Variants in SLC26A3 observed in about 807,000 individuals in gnomAD.
SLC26A3 encodes the protein solute carrier family 26 member 3.
In SLC26A3, 64 loss-of-function variants were observed where a neutral mutation model predicts 85.6. That is an observed-to-expected ratio of 0.75 (90% CI 0.61 to 0.92). The LOEUF is 0.92. Among genes scored for constraint, SLC26A3 ranks in the 40% least tolerant of loss-of-function variants. The pLI is 0.00. For synonymous variants in SLC26A3, 349 were observed against 336.0 expected (o/e 1.04, Z -0.42); for missense variants, 922 against 927.3 (o/e 0.99, Z 0.07).
intron 16 of SLC26A3, among the ~76,000 whole-genome samples, chr7:107,774,468 C>T (rs1336915895): frequency 2.6e-5 from 4 of 152,190 alleles, no homozygotes; most frequent in African/African-American, 9.6e-5. Flanking sequence ...GTGGGAGGGT[C>T]GCTTGAGTCT....
Position 107,789,113 on chromosome 7 carries a change from C to CT in SLC26A3, c.735+410dup, listed in dbSNP as rs1444704449. ...CTTTACTTTCTTTTTCTTTTCTTTT[C>CT]TTTTTCTTTTTTTTTTTTTTGAGAC... On this transcript the variant is annotated intron_variant, in intron 6 of 20. Transcript: ENST00000340010. 1.7e-3 allele frequency among the ~76,000 whole-genome samples: 209 copies of CT among 124,852 alleles called. 1 individual carries two copies. Among genetic ancestry groups the CT allele is most frequent in the African/African-American group, 6.0e-3 (201 of 33,600 alleles). 81.9% of individuals were successfully genotyped at this position (124,852 alleles called of 152,430 possible). A position where few individuals can be genotyped will look rare whatever the true frequency, so the allele number is the denominator to read the frequency against.
chr7:107,785,465 T>A (rs1211227034), intron 8 of SLC26A3, among the ~76,000 whole-genome samples: 3 of 152,224 alleles, frequency 2.0e-5, no homozygotes, highest in Non-Finnish European at 4.4e-5. Context: ...AGACTGTTGT[T>A]GAGGTATTTA....
chr7:107,778,029 A>G, intron 13 of SLC26A3, 146 bp downstream of exon 13: 1 of 703,702 alleles, frequency 1.4e-6, no homozygotes, highest in Non-Finnish European at 2.6e-6. Flanking sequence ...GAGATGAGCA[A>G]CTGGAGGGAG....
At chr7:107,792,542 G>A (rs1430226390) in intron 3 of SLC26A3, among the ~76,000 whole-genome samples, 1 of 152,076 alleles carries the variant, frequency 6.6e-6, no homozygotes, top group Non-Finnish European at 1.5e-5. Flanking sequence ...TGTTGTCGCT[G>A]ATCTAACAGG....
chr7:107,791,834 G>A lies in SLC26A3; in HGVS notation c.378C>T (p.Ser126=), dbSNP rs142349142. 7.3e-3 allele frequency: 11,659 copies of A among 1,596,986 alleles called. 60 individuals carry two copies. The highest frequency in any genetic ancestry group is 9.0e-3 in the Non-Finnish European group (10,478 of 1,164,632). ...TCAGCTCAGTAACTGACTTACCCAC[G>A]GATATGTGTCTGGAAGTGCCGAAGA... ...YLFFGTSRHI[S]VGPFPILSMM... The change falls in exon 4 of 21, where the codon TCC becomes TCT. Residue 126 remains serine (S), a synonymous_variant. Transcript: ENST00000340010.
At chr7:107,784,096 T>C (rs552242272) in intron 8 of SLC26A3, among the ~76,000 whole-genome samples, 2 of 152,372 alleles carry the variant, frequency 1.3e-5, no homozygotes, top group East Asian at 1.9e-4. Flanking sequence ...ATCAGACTTA[T>C]TGGAAGTGGG....
chr7:107,787,602 G>GA, intron 6 of SLC26A3, 93 bp from the exon 7 acceptor site: 1 of 1,097,562 alleles, frequency 9.1e-7, no homozygotes, highest in Non-Finnish European at 1.4e-6. Flanking sequence ...AAACATGGAA[G>GA]CAAAAAGACT....
intron 18 of SLC26A3, among the ~76,000 whole-genome samples, chr7:107,771,711 T>C (rs767749548): frequency 1.3e-5 from 2 of 152,114 alleles, no homozygotes; most frequent in Non-Finnish European, 2.9e-5. Context: ...CAGGTGAAGC[T>C]CAACCAAATT....
chr7:107,792,926 T>C (rs549417265), intron 3 of SLC26A3, among the ~76,000 whole-genome samples: 1 of 152,114 alleles, frequency 6.6e-6, no homozygotes, highest in Non-Finnish European at 1.5e-5. Flanking sequence ...TAAAAATGGA[T>C]AAAAACTTTG....
At chr7:107,782,165 A>T (rs191960128) in intron 11 of SLC26A3, among the ~76,000 whole-genome samples, 172 of 152,278 alleles carry the variant, frequency 1.1e-3, no homozygotes, top group Non-Finnish European at 2.0e-3. Context: ...ACAAGGAACA[A>T]TGTATTTACT....
intron 15 of SLC26A3, 102 bp from the exon 16 acceptor site, chr7:107,774,974 G>C (rs1794086997): frequency 2.2e-6 from 2 of 901,860 alleles, no homozygotes. Flanking sequence ...GATTGGGACA[G>C]ATAATAAAAA....
intron 8 of SLC26A3, among the ~76,000 whole-genome samples, chr7:107,784,131 C>G (rs992877171): frequency 1.3e-5 from 2 of 152,200 alleles, no homozygotes; most frequent in African/African-American, 4.8e-5. Context: ...TCAACTCTTT[C>G]TGAATTGCTG....
chr7:107,797,088 T>A (rs562534373), intron 1 of SLC26A3, among the ~76,000 whole-genome samples: 182 of 152,172 alleles, frequency 1.2e-3, no homozygotes, highest in Non-Finnish European at 2.3e-3. Context: ...TTCTTATACC[T>A]CCAGCTGGAT....
chr7:107,776,557 G>C lies in SLC26A3; in HGVS notation c.1585-13C>G. On this transcript the variant is annotated splice_polypyrimidine_tract_variant and intron_variant, in intron 14 of 20. Coordinates refer to ENST00000340010, the MANE Select transcript of SLC26A3 (RefSeq NM_000111.3). Reference sequence around the variant, plus strand: ...CTGGCTCATACATCTGTAAGGCAGAGAAGCATTGTTAGGTGTTGCCCATTA... The same window carrying C: ...CTGGCTCATACATCTGTAAGGCAGACAAGCATTGTTAGGTGTTGCCCATTA... 6.2e-7 allele frequency: 1 copy of C among 1,612,068 alleles called. No individual in the cohort carries two copies. Among genetic ancestry groups the C allele is most frequent in the Non-Finnish European group, 8.5e-7 (1 of 1,178,078 alleles).
intron 11 of SLC26A3, among the ~76,000 whole-genome samples, chr7:107,781,299 A>G (rs1225026389): frequency 6.6e-6 from 1 of 152,166 alleles, no homozygotes; most frequent in Non-Finnish European, 1.5e-5. Flanking sequence ...AGCTTTTATT[A>G]TGGGTTATTT....
chr7:107,776,942 C>T (rs1299943065), intron 13 of SLC26A3, among the ~76,000 whole-genome samples: 4 of 152,350 alleles, frequency 2.6e-5, no homozygotes, highest in Non-Finnish European at 5.9e-5. Flanking sequence ...TTACAAAGCA[C>T]TCCATATGCT....
At chr7:107,775,624 T>C (rs527852898) in intron 15 of SLC26A3, among the ~76,000 whole-genome samples, 1 of 150,558 alleles carries the variant, frequency 6.6e-6, no homozygotes, top group Non-Finnish European at 1.5e-5. Flanking sequence ...CTCATCTACT[T>C]GGGGGGCTGA....
intron 1 of SLC26A3, among the ~76,000 whole-genome samples, chr7:107,801,006 G>A (rs1214413154): frequency 1.3e-5 from 2 of 152,204 alleles, no homozygotes; most frequent in African/African-American, 4.8e-5. Context: ...ACCATAGCAA[G>A]GGATTTCACA....
At chr7:107,778,128 T>C (rs753961089) in intron 13 of SLC26A3, 47 bp downstream of exon 13, 2 of 1,266,956 alleles carry the variant, frequency 1.6e-6, no homozygotes, top group Non-Finnish European at 2.3e-6. Flanking sequence ...TCTTCTGATT[T>C]GGGCAGGTCC....
Sources: allele counts gnomAD v4.1 joint callset (sites outside exome capture counted in the v4.1 genomes callset), GRCh38; gene constraint gnomAD v4.1.1; transcripts MANE v1.5; gene names NCBI Gene and HGNC (gene_info 2026-07-23, HGNC 2026-07-21).